SUFU: variants seen among roughly 807,000 people sequenced by gnomAD.
SUFU encodes the protein suppressor of fused homolog.
A neutral mutation model predicts 58.9 loss-of-function variants in SUFU; 7 were observed. The observed-to-expected ratio is 0.12, with a 90% CI of 0.07 to 0.22. The LOEUF (loss-of-function observed/expected upper bound fraction) is 0.22. Among genes scored for constraint, SUFU ranks in the 10% least tolerant of loss-of-function variants. The probability of loss-of-function intolerance (pLI) is 1.00; values close to 1 mark genes in which losing one functional copy is unlikely to be tolerated. For synonymous variants in SUFU, 232 were observed against 254.8 expected, an observed-to-expected ratio of 0.91 and a Z score of 0.85; for missense variants, 451 against 641.3, an observed-to-expected ratio of 0.70 and a Z score of 3.20.
At chr10:102,565,953 A>C (rs907000872) in intron 3 of SUFU, among the ~76,000 whole-genome samples, 10 of 152,164 alleles carry the variant, frequency 6.6e-5, no homozygotes, top group Non-Finnish European at 1.3e-4. Flanking sequence ...CTTTCAGCGG[A>C]ATGTGGCCCT....
intron 2 of SUFU, among the ~76,000 whole-genome samples, chr10:102,542,314 G>A (rs2062811455): frequency 6.6e-6 from 1 of 151,840 alleles, no homozygotes; most frequent in South Asian, 2.1e-4. Context: ...TGTATTTTTA[G>A]TAGAGACAGG....
Position 102,599,474 on chromosome 10 carries a change from A to G in SUFU, c.952A>G (p.Ile318Val). The change falls in exon 8 of 12, where the codon ATC (isoleucine) becomes GTC (valine). Residue 318 changes from isoleucine to valine, a missense_variant. By Grantham distance (29) the Ile-to-Val change is conservative. Transcript: ENST00000369902. ...IRETLRRGLE[I>V]NSKPVLPPIN... ...GGAGACCCTGAGGAGAGGACTCGAGATCAACAGCAAACCTGTCCTTCCACC... is the reference window on the plus strand; with the variant it reads ...GGAGACCCTGAGGAGAGGACTCGAGGTCAACAGCAAACCTGTCCTTCCACC... 2 of 1,614,164 alleles carry G rather than the reference A, an allele frequency of 1.2e-6. No homozygotes were observed. Among genetic ancestry groups the G allele is most frequent in the Non-Finnish European group, 1.7e-6 (2 of 1,180,050 alleles).
intron 8 of SUFU, among the ~76,000 whole-genome samples, chr10:102,606,063 C>T (rs942030832): frequency 3.3e-4 from 51 of 152,270 alleles, no homozygotes; most frequent in East Asian, 2.7e-3. Flanking sequence ...AAGACTTTTC[C>T]GTTCAGAGAG....
intron 3 of SUFU, among the ~76,000 whole-genome samples, chr10:102,574,224 A>G (rs1042120146): frequency 6.6e-6 from 1 of 152,174 alleles, no homozygotes; most frequent in Non-Finnish European, 1.5e-5. Flanking sequence ...AAAACAAGTG[A>G]AATTCACAGC....
intron 3 of SUFU, among the ~76,000 whole-genome samples, chr10:102,570,242 T>C (rs992443132): frequency 3.0e-4 from 46 of 151,898 alleles, no homozygotes; most frequent in Non-Finnish European, 5.4e-4. Flanking sequence ...TATTTATTTA[T>C]TTATTTATTT....
chr10:102,579,879 A>C, intron 3 of SUFU: 1 of 985,166 alleles, frequency 1.0e-6, no homozygotes, highest in Non-Finnish European at 1.2e-6. Context: ...GTAGGGGTTA[A>C]TTCTTGCTTC....
At chr10:102,581,010 C>T (rs565695312) in intron 3 of SUFU, among the ~76,000 whole-genome samples, 3 of 151,798 alleles carry the variant, frequency 2.0e-5, no homozygotes, top group South Asian at 2.1e-4. Context: ...GGCAAAACTC[C>T]ATCTCTACTA....
intron 3 of SUFU, among the ~76,000 whole-genome samples, chr10:102,584,961 G>A (rs1590054425): frequency 6.6e-6 from 1 of 152,234 alleles, no homozygotes; most frequent in Admixed American, 6.5e-5. Flanking sequence ...TGATTGTTCA[G>A]GTCATGTAGA....
chr10:102,517,857 C>T (rs1203099545), intron 2 of SUFU, among the ~76,000 whole-genome samples: 1 of 152,188 alleles, frequency 6.6e-6, no homozygotes, highest in Non-Finnish European at 1.5e-5. Flanking sequence ...ACCAGCAGAG[C>T]TATCTTGAGT....
intron 1 of SUFU, among the ~76,000 whole-genome samples, chr10:102,508,435 C>T (rs2062357952): frequency 2.0e-5 from 3 of 152,150 alleles, no homozygotes; most frequent in African/African-American, 7.2e-5. Flanking sequence ...CATTTACCAT[C>T]CCAGCTCTAC....
intron 3 of SUFU, among the ~76,000 whole-genome samples, chr10:102,587,553 G>T (rs191709184): frequency 7.6e-4 from 115 of 152,256 alleles, no homozygotes; most frequent in African/African-American, 2.7e-3. Context: ...GTGCAGTAGC[G>T]TGATCTCGGC....
At chr10:102,508,226 G>A (rs1229270635) in intron 1 of SUFU, among the ~76,000 whole-genome samples, 2 of 151,904 alleles carry the variant, frequency 1.3e-5, no homozygotes, top group East Asian at 1.9e-4. Flanking sequence ...CACCCACTTC[G>A]GCCTCCCAAA....
At chr10:102,520,622 C>T (rs1033953891) in intron 2 of SUFU, among the ~76,000 whole-genome samples, 2 of 152,144 alleles carry the variant, frequency 1.3e-5, no homozygotes, top group Non-Finnish European at 2.9e-5. Context: ...CCTGTTCATT[C>T]CTCCCTCCCC....
chr10:102,519,398 G>C (rs2062519280), intron 2 of SUFU, among the ~76,000 whole-genome samples: 1 of 151,832 alleles, frequency 6.6e-6, no homozygotes. Flanking sequence ...CTGTTGGCGG[G>C]CACCTGTAAT....
At chr10:102,627,756 T>A (rs2063799156) in intron 11 of SUFU, among the ~76,000 whole-genome samples, 1 of 152,208 alleles carries the variant, frequency 6.6e-6, no homozygotes, top group Non-Finnish European at 1.5e-5. Flanking sequence ...AGTCTCCCTC[T>A]TCCAGCCCTG....
chr10:102,564,627 C>G (rs1471207373), intron 3 of SUFU, among the ~76,000 whole-genome samples: 2 of 152,220 alleles, frequency 1.3e-5, no homozygotes, highest in Admixed American at 6.5e-5. Context: ...GCCGTCGCAC[C>G]CAACCTCAAG....
intron 3 of SUFU, among the ~76,000 whole-genome samples, chr10:102,566,627 T>C (rs536686738): frequency 6.6e-6 from 1 of 151,876 alleles, no homozygotes; most frequent in Non-Finnish European, 1.5e-5. Context: ...AAACCAGGCG[T>C]GGTGGCGGGC....
rs1255066867 is a variant in SUFU, at chr10:102,625,758, G to A, written c.1297-1417G>A. The stretch of plus-strand genomic sequence containing the variant: ...TGGCGGCTTTTCTGCTCACTTGGGG[G>A]TAGTGTTCTTATTTCTCACTCCCTC... On this transcript the variant is annotated intron_variant, in intron 10 of 11. Coordinates refer to ENST00000369902, the MANE Select transcript of SUFU (RefSeq NM_016169.4). The surrounding 1 kb of genome is among the most constrained non-coding windows in gnomAD (Gnocchi z 4.7). 2.0e-5 allele frequency among the ~76,000 whole-genome samples: 3 copies of A among 152,236 alleles called. No individual in the cohort carries two copies. The highest frequency in any genetic ancestry group is 4.4e-5 in the Non-Finnish European group (3 of 68,010).
rs766310779 is a variant in SUFU, at chr10:102,592,595, C to T, written c.468C>T (p.Cys156=). 2.5e-6 allele frequency: 4 copies of T among 1,614,164 alleles called. No homozygotes were observed. The highest frequency in any genetic ancestry group is 2.5e-6 in the Non-Finnish European group (3 of 1,180,030). Reference sequence around the variant, plus strand: ...TCTCTCCCACAGAGAACACCTTCTGCAGTGGGGACCATGTGTCCTGGCACA... The same window carrying T: ...TCTCTCCCACAGAGAACACCTTCTGTAGTGGGGACCATGTGTCCTGGCACA... ...RYVFQSENTF[C]SGDHVSWHSP... is the part of the protein sequence containing the mutation. Residue 156 remains cysteine (C), a synonymous_variant, in exon 4 of 12, where the codon TGC becomes TGT. Transcript: ENST00000369902.
Sources: gnomAD v4.1 joint callset for allele counts (sites outside exome capture counted in the v4.1 genomes callset) on GRCh38, gnomAD v4.1.1 for gene constraint, Gnocchi (gnomAD v3.1) non-coding constraint, MANE v1.5 for transcripts, NCBI Gene and HGNC (gene_info 2026-07-23, HGNC 2026-07-21) for gene names.